Variants in ZNF385D observed in about 807,000 individuals in gnomAD.
The protein encoded by ZNF385D is zinc finger protein 385D.
ZNF385D carries 15 observed loss-of-function variants against 35.8 expected under a neutral mutation model. That is an observed-to-expected ratio of 0.42 (90% CI 0.28 to 0.64). The LOEUF is 0.64. Ranked by LOEUF, ZNF385D falls within the 30% of genes least tolerant of loss-of-function variation. The pLI, the probability that ZNF385D is intolerant of heterozygous loss-of-function variation, is 0.23. For synonymous variants in ZNF385D, 212 were observed against 186.8 expected (o/e 1.13, Z -1.10); for missense variants, 474 against 494.6 (o/e 0.96, Z 0.39).
intron 3 of ZNF385D, among the ~76,000 whole-genome samples, chr3:21,915,034 G>C (rs1011898812): frequency 4.0e-5 from 6 of 149,684 alleles, no homozygotes; most frequent in African/African-American, 1.5e-4. Context: ...TAGAAATCCA[G>C]AGTGTAAAAA....
chr3:21,846,293 G>A (rs1486370), intron 3 of ZNF385D, among the ~76,000 whole-genome samples: 1 of 151,474 alleles, frequency 6.6e-6, no homozygotes, highest in Non-Finnish European at 1.5e-5. Context: ...CACATTTTTA[G>A]ACTTGCACAT....
chr3:22,219,639 A>G (rs1316494110), intron 2 of ZNF385D, among the ~76,000 whole-genome samples: 18 of 152,196 alleles, frequency 1.2e-4, no homozygotes, highest in Admixed American at 1.2e-3. Flanking sequence ...TTCAGGTTTC[A>G]TAAAGGTAAC....
At position 22,140,524 on chromosome 3, in the gene ZNF385D, A is replaced by AC. The variant is rs201883509; in HGVS notation, c.325+28292dup. ...ATGTGATAAAATTTCATAGAACTATACCCCCCCAAAAACATGTAAAAGCTA... is the reference window on the plus strand; with the variant it reads ...ATGTGATAAAATTTCATAGAACTATACCCCCCCCAAAAACATGTAAAAGCTA... On this transcript the variant is annotated intron_variant, in intron 3 of 5. Coordinates refer to the ZNF385D transcript ENST00000494108. Among the ~76,000 whole-genome samples, 334 of 152,050 alleles carry AC rather than the reference A, an allele frequency of 2.2e-3. 3 individuals carry two copies. Among genetic ancestry groups the AC allele is most frequent in the African/African-American group, 6.1e-3 (252 of 41,468 alleles).
At chr3:22,132,623 A>G (rs1703867382) in intron 3 of ZNF385D, among the ~76,000 whole-genome samples, 1 of 152,120 alleles carries the variant, frequency 6.6e-6, no homozygotes, top group Non-Finnish European at 1.5e-5. Flanking sequence ...ATTTTCTGAA[A>G]AAAATTCCTC....
At chr3:22,011,745 T>C (rs1477195200) in intron 3 of ZNF385D, among the ~76,000 whole-genome samples, 2 of 152,100 alleles carry the variant, frequency 1.3e-5, no homozygotes, top group Admixed American at 6.6e-5. Flanking sequence ...ATTATTATTA[T>C]CCCATTTAAG....
chr3:22,155,090 C>T (rs890904688), intron 3 of ZNF385D, among the ~76,000 whole-genome samples: 5 of 152,098 alleles, frequency 3.3e-5, no homozygotes, highest in African/African-American at 1.2e-4. Flanking sequence ...TTATTATTGA[C>T]AGAATTGCAA....
chr3:22,128,483 T>C (rs931617586), intron 3 of ZNF385D, among the ~76,000 whole-genome samples: 6 of 152,170 alleles, frequency 3.9e-5, no homozygotes, highest in South Asian at 2.1e-4. Flanking sequence ...TTCTCACCAA[T>C]AGCTCCTCTT....
chr3:21,639,297 G>A (rs2065533507), intron 2 of ZNF385D, among the ~76,000 whole-genome samples: 2 of 151,854 alleles, frequency 1.3e-5, no homozygotes, highest in African/African-American at 2.4e-5. Context: ...TAAAATGCAG[G>A]CGGCATGAAA....
chr3:21,953,732 G>A (rs1421739924), intron 3 of ZNF385D, among the ~76,000 whole-genome samples: 2 of 151,948 alleles, frequency 1.3e-5, no homozygotes, highest in Non-Finnish European at 2.9e-5. Context: ...TAATATTCAT[G>A]TAACTAAAAT....
intron 3 of ZNF385D, among the ~76,000 whole-genome samples, chr3:21,768,239 C>A (rs765220463): frequency 6.6e-6 from 1 of 152,014 alleles, no homozygotes; most frequent in Non-Finnish European, 1.5e-5. Flanking sequence ...ATTTTATAAT[C>A]AGAATAAAAT....
At chr3:21,877,039 A>C (rs1463814178) in intron 3 of ZNF385D, among the ~76,000 whole-genome samples, 1 of 152,116 alleles carries the variant, frequency 6.6e-6, no homozygotes, top group Non-Finnish European at 1.5e-5. Flanking sequence ...CTTTTGCAGT[A>C]AAACACCATT....
At chr3:22,088,216 C>T (rs1356042730) in intron 3 of ZNF385D, among the ~76,000 whole-genome samples, 1 of 152,158 alleles carries the variant, frequency 6.6e-6, no homozygotes, top group African/African-American at 2.4e-5. Flanking sequence ...TTAACATGGG[C>T]ACGATGAGCA....
At chr3:21,835,252 C>CTT (rs11369567) in intron 3 of ZNF385D, among the ~76,000 whole-genome samples, 22 of 149,904 alleles carry the variant, frequency 1.5e-4, no homozygotes, top group Non-Finnish European at 2.5e-4. Context: ...AGTTTGCTTA[C>CTT]TTTTTTTTTA....
chr3:21,449,552 C>A (rs1182280169), intron 4 of ZNF385D, among the ~76,000 whole-genome samples: 1 of 152,018 alleles, frequency 6.6e-6, no homozygotes, highest in Non-Finnish European at 1.5e-5. Context: ...ATCAATATTT[C>A]TGTTACTTTT....
At chr3:22,134,011 G>A (rs1703958859) in intron 3 of ZNF385D, 1 of 152,024 alleles carries the variant, frequency 6.6e-6, no homozygotes. Flanking sequence ...AGGCAGAAAA[G>A]GGGAAACAGA....
rs570289667 is a variant in ZNF385D, at chr3:21,761,553, G to T, written c.326-96525C>A. Among the ~76,000 whole-genome samples, 7 of 152,232 alleles carry T rather than the reference G, an allele frequency of 4.6e-5. No individual in the cohort carries two copies. In the East Asian group the frequency reaches 1.4e-3, roughly 30 times the overall value. On this transcript the variant is annotated intron_variant, in intron 3 of 5. Transcript: ENST00000494108. Reference sequence around the variant, plus strand: ...AAGTGATAATGTGAGAATGAGTGAAGGTCATCAATCAATGCAAGAACCAAC... The same window carrying T: ...AAGTGATAATGTGAGAATGAGTGAATGTCATCAATCAATGCAAGAACCAAC...
At chr3:21,959,091 T>G (rs1231438448) in intron 3 of ZNF385D, among the ~76,000 whole-genome samples, 1 of 152,200 alleles carries the variant, frequency 6.6e-6, no homozygotes, top group Non-Finnish European at 1.5e-5. Context: ...ATTTTGCAAC[T>G]AATAATACAG....
At chr3:22,211,084 T>G (rs1697488354) in intron 2 of ZNF385D, among the ~76,000 whole-genome samples, 1 of 151,914 alleles carries the variant, frequency 6.6e-6, no homozygotes. Flanking sequence ...ATGGTACTTG[T>G]GCTTACCCAG....
chr3:21,797,606 A>G (rs532003965), intron 3 of ZNF385D, among the ~76,000 whole-genome samples: 1 of 152,334 alleles, frequency 6.6e-6, no homozygotes, highest in South Asian at 2.1e-4. Context: ...CTGTTTTTAC[A>G]TAGGTGAATA....
Sources: allele counts gnomAD v4.1 joint callset (sites outside exome capture counted in the v4.1 genomes callset), GRCh38; gene constraint gnomAD v4.1.1; transcripts MANE v1.5; gene names NCBI Gene and HGNC (gene_info 2026-07-23, HGNC 2026-07-21).